SLC44A2: variants seen among roughly 807,000 people sequenced by gnomAD.
SLC44A2 encodes solute carrier family 44 member 2 (CTL2 blood group), also known as choline transporter-like protein 2.
A neutral mutation model predicts 90.8 loss-of-function variants in SLC44A2; 57 were observed. That is an observed-to-expected ratio of 0.63 (90% CI 0.51 to 0.78). The LOEUF is 0.78. SLC44A2 is among the 30% of genes least tolerant of loss of function. The pLI is 0.00. For synonymous variants in SLC44A2, 355 were observed against 360.7 expected (o/e 0.98, Z 0.18); for missense variants, 794 against 919.7 (o/e 0.86, Z 1.77).
chr19:10,635,474 G>A lies in SLC44A2; in HGVS notation c.1192G>A (p.Asp398Asn). The A allele has an allele frequency of 6.2e-7, 1 of 1,613,918 alleles. No homozygotes were observed. Residue 398 changes from aspartate (D) to asparagine (N), a missense_variant, in exon 14 of 22, where the codon GAC (aspartate) becomes AAC (asparagine). This residue lies in a region of SLC44A2 where 738 missense variants were observed against 841.1 expected (regional missense o/e 0.88). Transcript: ENST00000335757. ...CGAAGCGGTCTATAAGATCTTTGAT[G>A]ACAGCCCCTGCCCATTTACTGCGAA... ...SNEAVYKIFD[D>N]SPCPFTAKTC...
At chr19:10,638,601 C>T (rs1473093753) in intron 20 of SLC44A2, among the ~76,000 whole-genome samples, 1 of 151,936 alleles carries the variant, frequency 6.6e-6, no homozygotes, top group Non-Finnish European at 1.5e-5. Flanking sequence ...CCTGCCCCCA[C>T]ACCTGCCTAA....
At chr19:10,608,930 C>T (rs945861735) in intron 1 of SLC44A2, among the ~76,000 whole-genome samples, 49 of 147,946 alleles carry the variant, frequency 3.3e-4, no homozygotes, top group Admixed American at 2.0e-3. Context: ...GGGCTAGAGT[C>T]GTGAGCCACT....
In SLC44A2 at chr19:10,606,065, A is replaced by G. The variant is rs371255337; in HGVS notation, c.31+3504A>G. On this transcript the variant is annotated intron_variant, in intron 1 of 21. Coordinates refer to the SLC44A2 transcript ENST00000407327. ...ATAATTCCAGCACTTTGGGAGTCCC[A>G]GGTGGGAGGATCGCTTGAGCCCATG... 1.7e-4 allele frequency among the ~76,000 whole-genome samples: 26 copies of G among 152,254 alleles called. 1 individual carries two copies. Among genetic ancestry groups the G allele is most frequent in the African/African-American group, 6.3e-4 (26 of 41,558 alleles).
upstream of SLC44A2, chr19:10,625,494 C>T: frequency 2.5e-6 from 3 of 1,221,114 alleles, no homozygotes; most frequent in Non-Finnish European, 2.0e-6. Flanking sequence ...CCGGTCTGAC[C>T]GGTTTGGGCC....
chr19:10,634,966 C>G lies in SLC44A2; in HGVS notation c.956-8C>G, dbSNP rs772961354. On this transcript the variant is annotated splice_region_variant and splice_polypyrimidine_tract_variant and intron_variant, in intron 11 of 21. Transcript: ENST00000335757. ...GAGCCCAGCCGGCTCAGCCTTTGCC[C>G]TTTGCAGTGATCATTCTGAGTATCC... 6.2e-5 allele frequency: 100 copies of G among 1,614,066 alleles called. No homozygotes were observed. The highest frequency in any genetic ancestry group is 2.2e-5 in the Non-Finnish European group (26 of 1,180,048).
In SLC44A2 at chr19:10,619,679, C is replaced by T. The variant is rs558874895; in HGVS notation, c.32-6574C>T. Among the ~76,000 whole-genome samples, 374 of 152,188 alleles carry T rather than the reference C, an allele frequency of 2.5e-3. 3 individuals are homozygous for T. The highest frequency in any genetic ancestry group is 8.1e-3 in the African/African-American group (335 of 41,540). ...ATAAAATTAGCAAATCTCCGCCGGA[C>T]GCAGTGGCTCACACCTGTAATCCCA... is the stretch of plus-strand genomic sequence containing the variant. On this transcript the variant is annotated intron_variant, in intron 1 of 21. Transcript: ENST00000407327.
chr19:10,637,403 C>A, intron 16 of SLC44A2: 1 of 513,996 alleles, frequency 1.9e-6, no homozygotes, highest in Non-Finnish European at 3.5e-6. Flanking sequence ...GGCTCTGGGG[C>A]TGGGATTGAT....
Position 10,634,838 on chromosome 19 carries a change from G to C in SLC44A2, c.906G>C (p.Gln302His). ...TCTCTTTGGTGGACCTCGGCTTTCA[G>C]ACGGATTTCCGGGTGTACCTGCACT... The part of the protein sequence containing the change: ...SDVSLVDLGF[Q>H]TDFRVYLHLR... Residue 302 changes from glutamine to histidine, a missense_variant, in exon 11 of 22, where the codon CAG becomes CAC. This residue lies in a region of SLC44A2 where 738 missense variants were observed against 841.1 expected (regional missense o/e 0.88). Coordinates refer to ENST00000335757, the MANE Select transcript of SLC44A2 (RefSeq NM_020428.4). 1 of 1,614,152 alleles carries C rather than the reference G, an allele frequency of 6.2e-7. No homozygotes were observed. Among genetic ancestry groups the C allele is most frequent in the African/African-American group, 1.3e-5 (1 of 75,044 alleles).
At chr19:10,626,179 T>G in intron 1 of SLC44A2, 74 bp from the exon 2 acceptor site, 1 of 1,238,348 alleles carries the variant, frequency 8.1e-7, no homozygotes, top group Non-Finnish European at 1.2e-6. Flanking sequence ...TAGGGGCTTT[T>G]GGGAGGGGGC....
intron 1 of SLC44A2, chr19:10,602,643 T>C (rs1334010404): frequency 1.7e-6 from 2 of 1,192,068 alleles, no homozygotes; most frequent in African/African-American, 1.6e-5. Context: ...TCTGAGACCC[T>C]AGGCACCGGC....
upstream of SLC44A2, among the ~76,000 whole-genome samples, chr19:10,621,422 GTT>G (rs34643212): frequency 1.1e-5 from 1 of 89,428 alleles, no homozygotes; most frequent in Non-Finnish European, 2.0e-5. Flanking sequence ...ATGGTTGGGT[GTT>G]TTTTTTTTTT....
At position 10,636,366 on chromosome 19, in the gene SLC44A2, G is replaced by A. The variant is rs1300382285; in HGVS notation, c.1277G>A (p.Arg426His). 10 of 1,613,622 alleles carry A rather than the reference G, an allele frequency of 6.2e-6. No individual in the cohort carries two copies. Among genetic ancestry groups the A allele is most frequent in the Middle Eastern group, 1.6e-4 (1 of 6,080 alleles). ...GAGTCCCGCCAATGCCCCAATGCCC[G>A]TTGCCAGTTCGCCTTCTACGGTGGT... ...SNESRQCPNA[R>H]CQFAFYGGES... The change falls in exon 15 of 22, where the codon CGT becomes CAT. Residue 426 changes from arginine to histidine, a missense_variant. This residue lies in a region of SLC44A2 where 738 missense variants were observed against 841.1 expected (regional missense o/e 0.88). Coordinates refer to ENST00000335757, the MANE Select transcript of SLC44A2 (RefSeq NM_020428.4).
At chr19:10,629,261 C>CTACTATTATTATTATTAT (rs1942839801) in intron 4 of SLC44A2, among the ~76,000 whole-genome samples, 1 of 144,364 alleles carries the variant, frequency 6.9e-6, no homozygotes, top group African/African-American at 2.5e-5. Context: ...AGTTTTTAAA[C>CTACTATTATTATTATTAT]TATTATTATT....
At chr19:10,641,283 C>T (rs2067113086) in intron 20 of SLC44A2, 2 of 378,672 alleles carry the variant, frequency 5.3e-6, no homozygotes, top group Non-Finnish European at 1.0e-5. Flanking sequence ...AGTCCCAGCT[C>T]CTTGTAAGCC....
intron 4 of SLC44A2, 42 bp downstream of exon 4, chr19:10,628,046 G>A: frequency 6.5e-7 from 1 of 1,540,194 alleles, no homozygotes; most frequent in South Asian, 1.1e-5. Context: ...GGGGAAGAGG[G>A]GGCAGAAGAT....
chr19:10,632,697 AGTTCT>A (rs1171630367), intron 10 of SLC44A2, among the ~76,000 whole-genome samples: 1 of 146,876 alleles, frequency 6.8e-6, no homozygotes, highest in Non-Finnish European at 1.5e-5. Flanking sequence ...TTTGAGACGG[AGTTCT>A]GTTCTTGTCA....
chr19:10,615,573 CAA>C (rs538192367), intron 1 of SLC44A2, among the ~76,000 whole-genome samples: 1 of 107,108 alleles, frequency 9.3e-6, no homozygotes. Flanking sequence ...GACTCCGTCT[CAA>C]AAAAAAAAAA....
In SLC44A2 at chr19:10,643,428, G is replaced by C; in HGVS notation, c.*43G>C. 4 of 1,577,238 alleles carry C rather than the reference G, an allele frequency of 2.5e-6. No homozygotes were observed. Among genetic ancestry groups the C allele is most frequent in the Non-Finnish European group, 2.6e-6 (3 of 1,159,448 alleles). Reference sequence around the variant, plus strand: ...CCTCTCAAGGAGTCTCATGCCGCAGGGTGCTCAGTAGCTGGGTCTGTTCCC... The same window carrying C: ...CCTCTCAAGGAGTCTCATGCCGCAGCGTGCTCAGTAGCTGGGTCTGTTCCC... On this transcript the variant is annotated 3_prime_UTR_variant, in exon 22 of 22. Transcript: ENST00000335757.
chr19:10,615,973 G>A (rs1169796261), intron 1 of SLC44A2, among the ~76,000 whole-genome samples: 1 of 151,882 alleles, frequency 6.6e-6, no homozygotes, highest in East Asian at 1.9e-4. Flanking sequence ...ACCAGCCTGG[G>A]CAACATAGCG....
Sources: allele counts gnomAD v4.1 joint callset (sites outside exome capture counted in the v4.1 genomes callset), GRCh38; gene constraint gnomAD v4.1.1; regional missense constraint gnomAD v4.1.1; transcripts MANE v1.5; gene names NCBI Gene and HGNC (gene_info 2026-07-23, HGNC 2026-07-21).